Variants in CFTR observed in about 807,000 individuals in gnomAD.
CFTR encodes CF transmembrane conductance regulator.
CFTR carries 181 observed loss-of-function variants against 171.6 expected under a neutral mutation model. That is an observed-to-expected ratio of 1.05 (90% confidence interval 0.93 to 1.19). The LOEUF (loss-of-function observed/expected upper bound fraction) is 1.19, where lower values mean the gene tolerates loss of function less well. Ranked by LOEUF, CFTR falls within the 50% of genes most tolerant of loss-of-function variation. CFTR has a pLI of 0.00. For missense variants in CFTR, 1,968 were observed against 1,734.7 expected (o/e 1.13, Z -2.39); for synonymous variants, 583 against 608.0 (o/e 0.96, Z 0.60).
At position 117,565,360 on chromosome 7, in the gene CFTR, C is replaced by T. The variant is rs34007053; in HGVS notation, c.1584+5705C>T. On this transcript the variant is annotated intron_variant, in intron 11 of 26. Transcript: ENST00000003084. ...CTTTTTAATTTCCAGACTACCACTTCTCCTGCACTTGACAATACCGCAGTC... is the reference window on the plus strand; with the variant it reads ...CTTTTTAATTTCCAGACTACCACTTTTCCTGCACTTGACAATACCGCAGTC... 5.5e-3 allele frequency among the ~76,000 whole-genome samples: 836 copies of T among 152,344 alleles called. 24 individuals are homozygous for T. The highest frequency in any genetic ancestry group is 0.021 in the East Asian group (107 of 5,196).
chr7:117,513,337 T>C (rs895540566), intron 3 of CFTR, among the ~76,000 whole-genome samples: 8 of 151,784 alleles, frequency 5.3e-5, no homozygotes, highest in Non-Finnish European at 4.4e-5. Flanking sequence ...GGTCTTGTTT[T>C]GTAGGTAAAT....
chr7:117,495,336 G>A, intron 1 of CFTR, among the ~76,000 whole-genome samples: 1 of 152,040 alleles, frequency 6.6e-6, no homozygotes, highest in East Asian at 1.9e-4. Flanking sequence ...AAAGTAGATG[G>A]GCATCAACTA....
intron 18 of CFTR, 94 bp from the exon 19 acceptor site, chr7:117,610,425 C>CA (rs4148715): frequency 0.044 from 41,656 of 936,210 alleles, 35 homozygotes; most frequent in South Asian, 0.057. Context: ...TTAAAGTATG[C>CA]AAAAAAAAAA....
chr7:117,634,329 C>T (rs1448022301), intron 22 of CFTR, among the ~76,000 whole-genome samples: 2 of 151,584 alleles, frequency 1.3e-5, no homozygotes, highest in South Asian at 2.1e-4. Flanking sequence ...TAGTGATGTC[C>T]CCTTTTTTGT....
intron 1 of CFTR, among the ~76,000 whole-genome samples, chr7:117,497,991 T>C (rs1163927659): frequency 6.6e-6 from 1 of 152,136 alleles, no homozygotes; most frequent in Non-Finnish European, 1.5e-5. Flanking sequence ...TTCCTAATAA[T>C]GTTTATAGTT....
chr7:117,635,051 T>C lies in CFTR; in HGVS notation c.3717+7281T>C, dbSNP rs76416608. ...CTGTCCATTCTTTGCAGAGGGACACTGAAGTCTCCAACTCTAGTAGTGAAT... is the reference window on the plus strand; with the variant it reads ...CTGTCCATTCTTTGCAGAGGGACACCGAAGTCTCCAACTCTAGTAGTGAAT... On this transcript the variant is annotated intron_variant, in intron 22 of 26. Coordinates refer to ENST00000003084, the MANE Select transcript of CFTR (RefSeq NM_000492.4). 6.0e-3 allele frequency among the ~76,000 whole-genome samples: 917 copies of C among 152,268 alleles called. 11 individuals are homozygous for C. Among genetic ancestry groups the C allele is most frequent in the African/African-American group, 0.021 (881 of 41,596 alleles).
At position 117,667,271 on chromosome 7, in the gene CFTR, AG is replaced by A; in HGVS notation, c.*165del. On this transcript the variant is annotated 3_prime_UTR_variant, in exon 27 of 27. Transcript: ENST00000003084. ...AAGAAACATTTGGTAAGGGGAATTGAGGACACTGATATGGGTCTTGATAAAT... is the reference window on the plus strand; with the variant it reads ...AAGAAACATTTGGTAAGGGGAATTGAGACACTGATATGGGTCTTGATAAAT... The A allele has an allele frequency of 1.4e-6, 1 of 702,014 alleles. No individual in the cohort carries two copies. Among genetic ancestry groups the A allele is most frequent in the Non-Finnish European group, 2.6e-6 (1 of 390,644 alleles). The allele number at this position is 702,014 out of a possible 1,614,324, so 43.5% of individuals were successfully genotyped here.
Position 117,503,341 on chromosome 7 carries a change from C to A in CFTR, c.54-912C>A, listed in dbSNP as rs566201222. Among the ~76,000 whole-genome samples the A allele has an allele frequency of 8.5e-5, 13 of 152,256 alleles. No homozygotes were observed. The East Asian group carries it at 2.3e-3, about 27-fold the overall frequency. On this transcript the variant is annotated intron_variant, in intron 1 of 26. Transcript: ENST00000003084. ...GGACTCACTAAATCCCAGTTCAATT[C>A]CTTTCTTTAATAAATATATTCAATT... is the stretch of plus-strand genomic sequence containing the variant.
At chr7:117,539,461 T>G (rs989134446) in intron 7 of CFTR, among the ~76,000 whole-genome samples, 2 of 151,836 alleles carry the variant, frequency 1.3e-5, no homozygotes, top group African/African-American at 4.8e-5. Context: ...GGAAACCTAC[T>G]GAGACTCATT....
At chr7:117,490,032 AC>A (rs1339217712) in intron 1 of CFTR, among the ~76,000 whole-genome samples, 3 of 151,744 alleles carry the variant, frequency 2.0e-5, no homozygotes, top group Non-Finnish European at 1.5e-5. Context: ...CTCATATTCT[AC>A]TTCATCTTTA....
Position 117,611,602 on chromosome 7 carries a change from A to G in CFTR, c.3161A>G (p.His1054Arg), listed in dbSNP as rs1417435640. 2.5e-6 allele frequency: 4 copies of G among 1,611,558 alleles called. No individual in the cohort carries two copies. The highest frequency in any genetic ancestry group is 1.7e-4 in the Middle Eastern group (1 of 6,054). The stretch of plus-strand genomic sequence containing the variant: ...ACAGGCAGGAGTCCAATTTTCACTC[A>G]TCTTGTTACAAGCTTAAAAGGACTA... ...ESEGRSPIFT[H>R]LVTSLKGLWT... Residue 1054 changes from histidine to arginine, a missense_variant, in exon 20 of 27, where the codon CAT (histidine) becomes CGT (arginine). Transcript: ENST00000003084.
chr7:117,587,622 T>C (rs1395014008), intron 11 of CFTR, 117 bp from the exon 12 acceptor site: 28 of 659,024 alleles, frequency 4.2e-5, no homozygotes, highest in Non-Finnish European at 7.7e-5. Context: ...GTTCAAAATT[T>C]CAACTGTGGT....
At chr7:117,537,694 T>C (rs1168971331) in intron 7 of CFTR, among the ~76,000 whole-genome samples, 1 of 152,222 alleles carries the variant, frequency 6.6e-6, no homozygotes, top group Non-Finnish European at 1.5e-5. Flanking sequence ...AAAAAGAGTA[T>C]TTATTTCCCA....
chr7:117,576,312 A>G (rs963747687), intron 11 of CFTR, among the ~76,000 whole-genome samples: 2 of 152,176 alleles, frequency 1.3e-5, no homozygotes, highest in African/African-American at 4.8e-5. Context: ...GAACATGTAC[A>G]TACATTTTGC....
chr7:117,658,050 T>C (rs1308027181), intron 24 of CFTR, among the ~76,000 whole-genome samples: 1 of 152,166 alleles, frequency 6.6e-6, no homozygotes, highest in African/African-American at 2.4e-5. Context: ...AGTCTGCCTA[T>C]CATTTGATGG....
chr7:117,621,475 G>T (rs1792579337), intron 21 of CFTR, among the ~76,000 whole-genome samples: 1 of 152,066 alleles, frequency 6.6e-6, no homozygotes, highest in African/African-American at 2.4e-5. Flanking sequence ...GTGTCCTGTG[G>T]GCCATAGTTT....
chr7:117,588,150 T>C lies in CFTR; in HGVS notation c.1679+317T>C, dbSNP rs79246683. Among the ~76,000 whole-genome samples, 763 of 152,206 alleles carry C rather than the reference T, an allele frequency of 5.0e-3. 4 individuals are homozygous for C. Among genetic ancestry groups the C allele is most frequent in the African/African-American group, 0.017 (702 of 41,540 alleles). On this transcript the variant is annotated intron_variant, in intron 12 of 26. Transcript: ENST00000003084. ...ATACTGGACAGAGAAGATGTAAATA[T>C]CTGTTAGTTCCATCATAGACCCTGC...
At chr7:117,532,081 AAAAAAAAAC>A (rs1441628798) in intron 4 of CFTR, among the ~76,000 whole-genome samples, 1 of 152,034 alleles carries the variant, frequency 6.6e-6, no homozygotes, top group Non-Finnish European at 1.5e-5. Context: ...AGAAGTTAAA[AAAAAAAAAC>A]AAAAAAAACA....
At chr7:117,498,888 T>A (rs1436835832) in intron 1 of CFTR, among the ~76,000 whole-genome samples, 2 of 151,700 alleles carry the variant, frequency 1.3e-5, no homozygotes, top group African/African-American at 2.4e-5. Context: ...ATACATTGGA[T>A]GATCAGAAAT....
Sources: gnomAD v4.1 joint callset for allele counts (sites outside exome capture counted in the v4.1 genomes callset) on GRCh38, gnomAD v4.1.1 for gene constraint, MANE v1.5 for transcripts, NCBI Gene and HGNC (gene_info 2026-07-23, HGNC 2026-07-21) for gene names.